Variants in BBS9 observed in about 807,000 individuals in gnomAD.
The protein encoded by BBS9 is protein PTHB1.
In BBS9, 89 loss-of-function variants were observed where a neutral mutation model predicts 117.7. That is an observed-to-expected ratio of 0.76 (90% CI 0.64 to 0.90). BBS9 has a LOEUF of 0.90. BBS9 is among the 40% of genes least tolerant of loss of function. The pLI, the probability that BBS9 is intolerant of heterozygous loss-of-function variation, is 0.00. For missense variants in BBS9, 982 were observed against 1,042.2 expected (o/e 0.94, Z 0.80); for synonymous variants, 379 against 370.9 (o/e 1.02, Z -0.25).
intron 5 of BBS9, among the ~76,000 whole-genome samples, chr7:33,186,801 C>CACAAAGATAAAAAGA (rs1205442664): frequency 2.0e-5 from 3 of 151,946 alleles, no homozygotes; most frequent in Non-Finnish European, 4.4e-5. Flanking sequence ...ATTTTGGGTT[C>CACAAAGATAAAAAGA]TAAAAAAATA....
chr7:33,584,296 T>C (rs1467064711), intron 21 of BBS9, among the ~76,000 whole-genome samples: 1 of 152,100 alleles, frequency 6.6e-6, no homozygotes, highest in Non-Finnish European at 1.5e-5. Context: ...TTATTCTTTT[T>C]TCTAATGCAT....
chr7:33,404,851 A>G (rs1829626382), intron 19 of BBS9, among the ~76,000 whole-genome samples: 1 of 152,020 alleles, frequency 6.6e-6, no homozygotes, highest in African/African-American at 2.4e-5. Context: ...TCTCCTGCCT[A>G]ATTGCCCTGG....
chr7:33,429,184 T>C (rs528403990), intron 19 of BBS9, among the ~76,000 whole-genome samples: 7 of 152,258 alleles, frequency 4.6e-5, no homozygotes, highest in South Asian at 4.1e-4. Flanking sequence ...AGTTTTCTTT[T>C]TCAAAAAAGG....
At chr7:33,546,652 A>AC in intron 21 of BBS9, among the ~76,000 whole-genome samples, 1 of 152,098 alleles carries the variant, frequency 6.6e-6, no homozygotes, top group East Asian at 1.9e-4. Context: ...CTCCACACAC[A>AC]ACATGCATTT....
At chr7:33,347,260 ATAT>A (rs970543337) in intron 12 of BBS9, among the ~76,000 whole-genome samples, 1 of 152,092 alleles carries the variant, frequency 6.6e-6, no homozygotes, top group African/African-American at 2.4e-5. Context: ...TTTATCATTA[ATAT>A]TATTCATTTT....
At chr7:33,162,807 T>G (rs1795056983) in intron 4 of BBS9, among the ~76,000 whole-genome samples, 1 of 152,140 alleles carries the variant, frequency 6.6e-6, no homozygotes, top group South Asian at 2.1e-4. Flanking sequence ...TTTTCCTAAT[T>G]GAATACCCTT....
At chr7:33,280,905 G>GTT (rs748350404) in intron 9 of BBS9, among the ~76,000 whole-genome samples, 2,373 of 48,344 alleles carry the variant, frequency 0.049, 509 homozygotes, top group East Asian at 0.12. Flanking sequence ...TTAATTTGTC[G>GTT]TTTTTGTTTT....
intron 21 of BBS9, among the ~76,000 whole-genome samples, chr7:33,602,511 C>A (rs1863954306): frequency 6.6e-6 from 1 of 152,116 alleles, no homozygotes; most frequent in South Asian, 2.1e-4. Context: ...AGCGGATCAT[C>A]TGAGGTTGGA....
At chr7:33,431,314 G>A (rs1834426707) in intron 19 of BBS9, among the ~76,000 whole-genome samples, 1 of 152,140 alleles carries the variant, frequency 6.6e-6, no homozygotes, top group Non-Finnish European at 1.5e-5. Flanking sequence ...TTTTGACTAG[G>A]GGAAGGCAGT....
At chr7:33,630,242 C>G (rs1241462658) in intron 21 of BBS9, among the ~76,000 whole-genome samples, 1 of 152,040 alleles carries the variant, frequency 6.6e-6, no homozygotes, top group Non-Finnish European at 1.5e-5. Flanking sequence ...AAAAGCAAAT[C>G]CATTTAATTT....
chr7:33,139,266 A>AAAAAC (rs201014300), intron 1 of BBS9, among the ~76,000 whole-genome samples: 2 of 151,286 alleles, frequency 1.3e-5, no homozygotes, highest in Admixed American at 6.6e-5. Flanking sequence ...AACAAAAACA[A>AAAAAC]AAAACAAAAC....
At chr7:33,444,683 T>C (rs2060397598) in intron 19 of BBS9, among the ~76,000 whole-genome samples, 2 of 152,224 alleles carry the variant, frequency 1.3e-5, no homozygotes, top group South Asian at 4.1e-4. Flanking sequence ...CTTGGATTTA[T>C]GCCAGGGTCA....
At chr7:33,409,008 T>G (rs533436385) in intron 19 of BBS9, among the ~76,000 whole-genome samples, 3 of 152,366 alleles carry the variant, frequency 2.0e-5, no homozygotes, top group Admixed American at 2.0e-4. Flanking sequence ...ATATGTCTTC[T>G]TTTGAGAACT....
At chr7:33,573,340 A>G (rs1329466187) in intron 21 of BBS9, among the ~76,000 whole-genome samples, 2 of 152,090 alleles carry the variant, frequency 1.3e-5, no homozygotes, top group East Asian at 3.9e-4. Flanking sequence ...GAAGAAGTAA[A>G]TGTTTATGAT....
intron 1 of BBS9, among the ~76,000 whole-genome samples, chr7:33,131,631 G>A (rs1789625446): frequency 6.6e-6 from 1 of 152,124 alleles, no homozygotes; most frequent in African/African-American, 2.4e-5. Flanking sequence ...TTCCAGAACT[G>A]ACCTTCAAAC....
intron 6 of BBS9, among the ~76,000 whole-genome samples, chr7:33,260,524 G>C (rs1797809715): frequency 6.6e-6 from 1 of 152,252 alleles, no homozygotes; most frequent in Admixed American, 6.5e-5. Context: ...GCATTATCAG[G>C]TTCTTGAGAG....
intron 9 of BBS9, among the ~76,000 whole-genome samples, chr7:33,328,629 T>C (rs1217254416): frequency 6.6e-6 from 1 of 152,220 alleles, no homozygotes; most frequent in Non-Finnish European, 1.5e-5. Context: ...GGTATCTATA[T>C]ATAGTAGTAA....
intron 11 of BBS9, among the ~76,000 whole-genome samples, chr7:33,342,982 C>T (rs1268040097): frequency 2.0e-4 from 31 of 152,136 alleles, no homozygotes; most frequent in Admixed American, 2.0e-3. Context: ...TGGAGTCTTT[C>T]TTAGAGGAGA....
intron 4 of BBS9, among the ~76,000 whole-genome samples, chr7:33,173,634 A>G (rs1426456277): frequency 2.6e-5 from 4 of 152,078 alleles, no homozygotes; most frequent in Admixed American, 1.3e-4. Flanking sequence ...CCATCCCTAG[A>G]TGAGACTATT....
Sources: allele counts gnomAD v4.1 joint callset (sites outside exome capture counted in the v4.1 genomes callset), GRCh38; gene constraint gnomAD v4.1.1; transcripts MANE v1.5; gene names NCBI Gene and HGNC (gene_info 2026-07-23, HGNC 2026-07-21).